The following NT5C2 variants were observed in gnomAD, a reference collection of about 807,000 sequenced individuals.
The protein encoded by NT5C2 is 5'-nucleotidase, cytosolic II, also known as cytosolic purine 5'-nucleotidase.
A neutral mutation model predicts 76.1 loss-of-function variants in NT5C2; 58 were observed. That is an observed-to-expected ratio of 0.76 (90% CI 0.62 to 0.95). The LOEUF is 0.95. NT5C2 is among the 40% of genes least tolerant of loss of function. The pLI, the probability that NT5C2 is intolerant of heterozygous loss-of-function variation, is 0.00. For missense variants in NT5C2, 478 were observed against 690.3 expected (o/e 0.69, Z 3.45); for synonymous variants, 229 against 237.4 (o/e 0.96, Z 0.32).
rs2066108133 is a variant in NT5C2 at position 103,089,283 on chromosome 10, AATTTGTAACATT to A, written c.*377_*388del. 1 of 229,582 alleles carries A rather than the reference AATTTGTAACATT, an allele frequency of 4.4e-6. No individual in the cohort carries two copies. The highest frequency in any genetic ancestry group is 2.2e-5 in the African/African-American group (1 of 45,032). 14.2% of individuals were successfully genotyped at this position (229,582 alleles called of 1,614,324 possible). A position where few individuals can be genotyped will look rare whatever the true frequency, so the allele number is the denominator to read the frequency against. ...AAGTTGGACCTTGGAGTAATAGCAC[AATTTGTAACATT>A]ACAGATCACCTCTTCCCACTCTTTG... On this transcript the variant is annotated 3_prime_UTR_variant, in exon 19 of 19. Coordinates refer to ENST00000404739, the MANE Select transcript of NT5C2 (RefSeq NM_001351169.2).
intron 3 of NT5C2, among the ~76,000 whole-genome samples, chr10:103,148,296 C>A (rs551892572): frequency 1.5e-4 from 23 of 152,246 alleles, no homozygotes; most frequent in African/African-American, 5.1e-4. Context: ...TTTTGTTTAT[C>A]AGATTGTGTC....
chr10:103,153,614 G>A (rs1412135586), intron 3 of NT5C2: 1 of 985,116 alleles, frequency 1.0e-6, no homozygotes, highest in African/African-American at 1.7e-5. Flanking sequence ...GTTCCTGTAA[G>A]AGACAGGAAT....
chr10:103,095,646 T>C (rs1012665425), intron 12 of NT5C2, among the ~76,000 whole-genome samples: 7 of 152,232 alleles, frequency 4.6e-5, no homozygotes, highest in African/African-American at 1.7e-4. Flanking sequence ...TAATTTTGCA[T>C]AGAACTTCTT....
chr10:103,143,909 C>T (rs12774513), intron 3 of NT5C2, among the ~76,000 whole-genome samples: 17,688 of 152,048 alleles, frequency 0.12, 1,215 homozygotes, highest in Non-Finnish European at 0.15. Flanking sequence ...GAACTGAGAT[C>T]GTGCCACTGC....
intron 3 of NT5C2, among the ~76,000 whole-genome samples, chr10:103,171,590 T>C (rs554130505): frequency 7.9e-5 from 12 of 152,354 alleles, no homozygotes; most frequent in African/African-American, 2.4e-4. Context: ...AAGATGGTTC[T>C]AGTAGGGCCC....
At chr10:103,123,298 T>C (rs1359000587) in intron 4 of NT5C2, among the ~76,000 whole-genome samples, 4 of 152,098 alleles carry the variant, frequency 2.6e-5, no homozygotes, top group Non-Finnish European at 5.9e-5. Flanking sequence ...AATATTTTTT[T>C]TTTCCTAAGT....
intron 1 of NT5C2, among the ~76,000 whole-genome samples, chr10:103,191,107 A>G (rs1179164849): frequency 6.6e-6 from 1 of 152,232 alleles, no homozygotes; most frequent in African/African-American, 2.4e-5. Context: ...GAATTAAGCA[A>G]CAGGGTCGGA....
Position 103,181,250 on chromosome 10 carries a change from T to C in NT5C2, c.-90A>G, listed in dbSNP as rs771363157. ...GCTCACACTTGTAATCCCAGAACTT[T>C]GGGAGGCCGAGGCGAATGGATCACT... is the stretch of plus-strand genomic sequence containing the variant. On this transcript the variant is annotated 5_prime_UTR_variant, in exon 2 of 19. Transcript: ENST00000404739. 6.6e-6 allele frequency: 1 copy of C among 151,550 alleles called. No individual in the cohort carries two copies. The highest frequency in any genetic ancestry group is 1.5e-5 in the Non-Finnish European group (1 of 67,948). The allele number at this position is 151,550 out of a possible 1,614,324, so 9.4% of individuals were successfully genotyped here.
At chr10:103,098,752 G>A in intron 10 of NT5C2, 179 bp downstream of exon 10, 1 of 542,898 alleles carries the variant, frequency 1.8e-6, no homozygotes, top group Non-Finnish European at 3.3e-6. Flanking sequence ...TCAAGAAACA[G>A]GAAAAACTCT....
At chr10:103,186,509 A>C (rs887256300) in intron 1 of NT5C2, among the ~76,000 whole-genome samples, 27 of 152,358 alleles carry the variant, frequency 1.8e-4, no homozygotes, top group South Asian at 1.0e-3. Context: ...AACTATAGCT[A>C]TAGGTTTGTT....
At chr10:103,188,168 A>G (rs1187464696) in intron 1 of NT5C2, among the ~76,000 whole-genome samples, 1 of 152,278 alleles carries the variant, frequency 6.6e-6, no homozygotes, top group South Asian at 2.1e-4. Context: ...CAGCCTGGCC[A>G]ACATAGCGAA....
chr10:103,139,684 A>C (rs1217336039), intron 3 of NT5C2, among the ~76,000 whole-genome samples: 1 of 152,226 alleles, frequency 6.6e-6, no homozygotes, highest in African/African-American at 2.4e-5. Flanking sequence ...GAAATGATTA[A>C]TACAGTCAAA....
intron 3 of NT5C2, among the ~76,000 whole-genome samples, chr10:103,162,023 T>A (rs1285966044): frequency 2.0e-5 from 3 of 152,052 alleles, no homozygotes; most frequent in Non-Finnish European, 4.4e-5. Context: ...AATTCAATTG[T>A]TTGTTTGTTT....
At chr10:103,157,374 A>C (rs1002688023) in intron 3 of NT5C2, among the ~76,000 whole-genome samples, 2 of 152,318 alleles carry the variant, frequency 1.3e-5, no homozygotes, top group Admixed American at 1.3e-4. Flanking sequence ...GGTATGAGTT[A>C]ATCAACTGAA....
At chr10:103,188,250 C>T (rs1482896455) in intron 1 of NT5C2, among the ~76,000 whole-genome samples, 2 of 151,888 alleles carry the variant, frequency 1.3e-5, no homozygotes, top group East Asian at 1.9e-4. Flanking sequence ...CCCAGCTACT[C>T]GGGAGGCTGA....
chr10:103,164,162 T>G (rs376412062), intron 3 of NT5C2, among the ~76,000 whole-genome samples: 2 of 152,124 alleles, frequency 1.3e-5, no homozygotes, highest in African/African-American at 4.8e-5. Context: ...GGAGGATCAC[T>G]AGAGCCCAGG....
At chr10:103,117,081 GGAC>G (rs1292038967) in intron 4 of NT5C2, among the ~76,000 whole-genome samples, 2 of 151,130 alleles carry the variant, frequency 1.3e-5, no homozygotes, top group African/African-American at 4.9e-5. Flanking sequence ...TTTAAATAAG[GGAC>G]GACACCAAAG....
chr10:103,171,929 G>A (rs1024396554), intron 3 of NT5C2, among the ~76,000 whole-genome samples: 17 of 152,044 alleles, frequency 1.1e-4, no homozygotes, highest in African/African-American at 4.1e-4. Context: ...ACAGGTTAAG[G>A]CCGGGAGCAG....
intron 1 of NT5C2, among the ~76,000 whole-genome samples, chr10:103,188,214 C>G (rs779473560): frequency 6.6e-6 from 1 of 152,006 alleles, no homozygotes; most frequent in East Asian, 1.9e-4. Flanking sequence ...AAAAATTAGC[C>G]AGGCATGGTG....
Sources: gnomAD v4.1 joint callset for allele counts (sites outside exome capture counted in the v4.1 genomes callset) on GRCh38, gnomAD v4.1.1 for gene constraint, MANE v1.5 for transcripts, NCBI Gene and HGNC (gene_info 2026-07-23, HGNC 2026-07-21) for gene names.